ERMARD: variants seen among roughly 807,000 people sequenced by gnomAD.
The protein encoded by ERMARD is endoplasmic reticulum membrane-associated RNA degradation protein.
A neutral mutation model predicts 83.9 loss-of-function variants in ERMARD; 71 were observed. The ratio of observed to expected loss-of-function variants is 0.85; its 90% CI spans 0.70 to 1.03. ERMARD has a LOEUF of 1.03. ERMARD is among the 50% of genes least tolerant of loss of function. The pLI is 0.00. For synonymous variants in ERMARD, 284 were observed against 298.6 expected, an observed-to-expected ratio of 0.95 and a Z score of 0.50; for missense variants, 838 against 810.9, an observed-to-expected ratio of 1.03 and a Z score of -0.41.
chr6:169,756,218 T>G, intron 3 of ERMARD, 120 bp from the exon 4 acceptor site: 1 of 494,300 alleles, frequency 2.0e-6, no homozygotes, highest in Non-Finnish European at 3.5e-6. Context: ...GTTTACTTAT[T>G]CACTGAAAAT....
In ERMARD at chr6:169,781,537, T is replaced by C. The variant is rs1438077616; in HGVS notation, c.*24T>C. 3.2e-6 allele frequency: 5 copies of C among 1,568,432 alleles called. No individual in the cohort carries two copies. The Admixed American group carries it at 5.8e-5, about 18-fold the overall frequency. ...GAAAACTTGTAAGTCAGGATGCTTT[T>C]AATTTTAACAGATTTTAACAGCGTG... On this transcript the variant is annotated 3_prime_UTR_variant, in exon 18 of 18. Coordinates refer to ENST00000366773, the MANE Select transcript of ERMARD (RefSeq NM_018341.3).
At chr6:169,780,210 G>T (rs61397129) in intron 17 of ERMARD, among the ~76,000 whole-genome samples, 15,797 of 152,134 alleles carry the variant, frequency 0.1, 878 homozygotes, top group African/African-American at 0.12. Flanking sequence ...GTGCAAGACT[G>T]CCCTGCTCAT....
At chr6:169,754,096 A>G (rs1790497057) in intron 2 of ERMARD, 64 bp downstream of exon 2, 1 of 1,471,910 alleles carries the variant, frequency 6.8e-7, no homozygotes, top group African/African-American at 1.4e-5. Context: ...TTGACCTGTA[A>G]AATTCCCCTT....
intron 15 of ERMARD, 146 bp downstream of exon 15, chr6:169,776,211 A>G (rs1793572759): frequency 1.3e-6 from 2 of 1,513,454 alleles, no homozygotes; most frequent in African/African-American, 1.4e-5. Flanking sequence ...GAATTATGAG[A>G]TAAGTTTTGA....
At chr6:169,767,889 G>A (rs754206735) in intron 10 of ERMARD, 7 of 578,954 alleles carry the variant, frequency 1.2e-5, no homozygotes, top group Admixed American at 3.0e-5. Flanking sequence ...ACACACATGT[G>A]TATACAATTA....
chr6:169,751,685 G>T (rs1790113500), intron 1 of ERMARD, 22 bp downstream of exon 1: 4 of 1,547,600 alleles, frequency 2.6e-6, no homozygotes, highest in Non-Finnish European at 3.5e-6. Context: ...GTAGGGCCCG[G>T]TTCGATCCCG....
intron 2 of ERMARD, 104 bp downstream of exon 2, chr6:169,754,136 T>C: frequency 1.7e-6 from 2 of 1,142,962 alleles, no homozygotes; most frequent in Admixed American, 2.3e-5. Context: ...TGTTAGATAA[T>C]GTTATAATAC....
Position 169,762,472 on chromosome 6 carries a change from G to C in ERMARD, c.901G>C (p.Gly301Arg), listed in dbSNP as rs1227897020. 1 of 1,614,038 alleles carries C rather than the reference G, an allele frequency of 6.2e-7. No homozygotes were observed. The highest frequency in any genetic ancestry group is 8.5e-7 in the Non-Finnish European group (1 of 1,180,028). ...AILLLTQLET[G>R]LRNVFATLNR... ...ATTGTTGCTGACACAACTGGAGACT[G>C]GACTTAGGAATGTTTTTGCCACACT... The change falls in exon 9 of 18, where the codon GGA becomes CGA. Residue 301 changes from glycine (G) to arginine (R), a missense_variant. Physicochemically the swap from Gly to Arg is moderately radical, Grantham distance 125 (BLOSUM62 -2). Coordinates refer to ENST00000366773, the MANE Select transcript of ERMARD (RefSeq NM_018341.3).
chr6:169,756,225 A>G (rs1192922000), intron 3 of ERMARD, 113 bp from the exon 4 acceptor site: 2 of 521,448 alleles, frequency 3.8e-6, no homozygotes, highest in Non-Finnish European at 6.5e-6. Flanking sequence ...TATTCACTGA[A>G]AATAAAATAT....
At chr6:169,762,691 TTA>T (rs1173504574) in intron 9 of ERMARD, among the ~76,000 whole-genome samples, 160 bp downstream of exon 9, 1 of 152,200 alleles carries the variant, frequency 6.6e-6, no homozygotes, top group African/African-American at 2.4e-5. Flanking sequence ...GGATTTATAT[TTA>T]TGTTATTTAT....
At chr6:169,766,237 A>G (rs980152385) in intron 9 of ERMARD, among the ~76,000 whole-genome samples, 1 of 152,264 alleles carries the variant, frequency 6.6e-6, no homozygotes, top group African/African-American at 2.4e-5. Context: ...AGCAGCGTGC[A>G]TGAAATAAAA....
rs1002785932 is a variant in ERMARD at position 169,775,397 on chromosome 6, A to G, written c.1394+51A>G. On this transcript the variant is annotated intron_variant, in intron 14 of 17. Transcript: ENST00000366773. ...GACCTCAAGCTTGTCTGGTACTATT[A>G]GTTTCAGCAGCATTTCTTCTTTAAC... 3 of 1,577,756 alleles carry G rather than the reference A, an allele frequency of 1.9e-6. No homozygotes were observed. The South Asian group carries it at 3.4e-5, about 18-fold the overall frequency.
At chr6:169,756,960 GAC>G (rs2128342598) in intron 5 of ERMARD, 152 bp downstream of exon 5, 1 of 699,698 alleles carries the variant, frequency 1.4e-6, no homozygotes, top group South Asian at 2.0e-5. Context: ...GGAGGAGAAA[GAC>G]ATTTCTAACA....
In ERMARD at chr6:169,776,453, A is replaced by G. The variant is rs373359893; in HGVS notation, c.1521-2A>G. 5.6e-6 allele frequency: 9 copies of G among 1,612,578 alleles called. No homozygotes were observed. The African/African-American group carries it at 1.2e-4, about 22-fold the overall frequency. The stretch of plus-strand genomic sequence containing the variant: ...CTGCTCCAAGTCTGGCTCTGTTTGC[A>G]GGTGGCCCCAGCTTCTCCGTGAGCT... On this transcript the variant is annotated splice_acceptor_variant, in intron 15 of 17. Transcript: ENST00000366773. LOFTEE classifies it high-confidence loss of function.
intron 12 of ERMARD, among the ~76,000 whole-genome samples, chr6:169,772,582 C>T (rs1220184665): frequency 6.6e-6 from 1 of 151,932 alleles, no homozygotes; most frequent in East Asian, 1.9e-4. Context: ...CATGGCCAAA[C>T]ATGGTGAAAC....
At chr6:169,751,426 G>C (rs777457174), upstream of ERMARD, 28 of 1,614,134 alleles carry the variant, frequency 1.7e-5, no homozygotes, top group Non-Finnish European at 2.4e-5. Context: ...TCTGGATGGG[G>C]CTCGACTTCA....
chr6:169,769,076 G>A (rs895474240), intron 11 of ERMARD, among the ~76,000 whole-genome samples: 2 of 152,142 alleles, frequency 1.3e-5, no homozygotes, highest in Non-Finnish European at 2.9e-5. Flanking sequence ...GACCATTGGC[G>A]GTTTGCCAAG....
intron 9 of ERMARD, among the ~76,000 whole-genome samples, chr6:169,766,295 C>G (rs1266754335): frequency 6.6e-6 from 1 of 152,152 alleles, no homozygotes; most frequent in Non-Finnish European, 1.5e-5. Context: ...AGCTGTGCTC[C>G]CTTGTGCACA....
chr6:169,756,852 T>C, intron 5 of ERMARD, 44 bp downstream of exon 5: 1 of 1,550,800 alleles, frequency 6.4e-7, no homozygotes, highest in Non-Finnish European at 8.9e-7. Context: ...TAGTCCGTTT[T>C]CATGCTGCTG....
Sources: gnomAD v4.1 joint callset for allele counts (sites outside exome capture counted in the v4.1 genomes callset) on GRCh38, gnomAD v4.1.1 for gene constraint, MANE v1.5 for transcripts, NCBI Gene and HGNC (gene_info 2026-07-23, HGNC 2026-07-21) for gene names.